NF2: variants seen among roughly 807,000 people sequenced by gnomAD.
The protein encoded by NF2 is merlin.
NF2 carries 8 observed loss-of-function variants against 83.7 expected under a neutral mutation model. That is an observed-to-expected ratio of 0.10 (90% CI 0.06 to 0.17). NF2 has a LOEUF of 0.17. NF2 is among the 10% of genes least tolerant of loss of function. The pLI is 1.00. For missense variants in NF2, 533 were observed against 744.4 expected (o/e 0.72, Z 3.31); for synonymous variants, 266 against 269.6 (o/e 0.99, Z 0.13).
intron 3 of NF2, among the ~76,000 whole-genome samples, chr22:29,641,158 T>G (rs896143737): frequency 6.8e-6 from 1 of 147,450 alleles, no homozygotes; most frequent in Non-Finnish European, 1.5e-5. Flanking sequence ...GTTCTTGCAG[T>G]TTTTCTATAG....
chr22:29,671,994 C>G (rs1454683926), intron 11 of NF2, 46 bp downstream of exon 11: 1 of 1,613,652 alleles, frequency 6.2e-7, no homozygotes. Context: ...TTGGGGACTT[C>G]CTTGGCTTTT....
At chr22:29,673,822 G>C (rs888212429) in intron 12 of NF2, among the ~76,000 whole-genome samples, 2 of 152,214 alleles carry the variant, frequency 1.3e-5, no homozygotes, top group Non-Finnish European at 2.9e-5. Flanking sequence ...ATGTGAGGAG[G>C]CTCTTTGTGC....
chr22:29,689,065 G>A (rs185305618), intron 15 of NF2, among the ~76,000 whole-genome samples: 93 of 151,644 alleles, frequency 6.1e-4, no homozygotes, highest in African/African-American at 2.1e-3. Flanking sequence ...TGTAGTTCCA[G>A]CTACTCAGGA....
chr22:29,617,497 CAACCAAA>C (rs2065110793), intron 1 of NF2, among the ~76,000 whole-genome samples: 1 of 152,034 alleles, frequency 6.6e-6, no homozygotes, highest in Non-Finnish European at 1.5e-5. Flanking sequence ...GTTGTTGTGA[CAACCAAA>C]AATGTCTTCA....
At chr22:29,666,492 G>A (rs1328559315) in intron 9 of NF2, among the ~76,000 whole-genome samples, 3 of 151,924 alleles carry the variant, frequency 2.0e-5, no homozygotes, top group Admixed American at 1.3e-4. Flanking sequence ...CTGCCTCCTG[G>A]TGCACATAGG....
intron 4 of NF2, among the ~76,000 whole-genome samples, chr22:29,653,039 C>T (rs931642982): frequency 1.3e-5 from 2 of 152,174 alleles, no homozygotes; most frequent in African/African-American, 4.8e-5. Context: ...CCCATTTTGG[C>T]CTCCCAAAGT....
At chr22:29,630,582 G>C (rs758788366) in intron 1 of NF2, among the ~76,000 whole-genome samples, 6 of 152,244 alleles carry the variant, frequency 3.9e-5, no homozygotes, top group Non-Finnish European at 8.8e-5. Flanking sequence ...CCTTGAGGAG[G>C]AGGTCTGTGG....
chr22:29,613,518 G>A (rs753138215), intron 1 of NF2, among the ~76,000 whole-genome samples: 11 of 152,096 alleles, frequency 7.2e-5, no homozygotes, highest in Non-Finnish European at 1.3e-4. Flanking sequence ...GGGACAGAGC[G>A]AGATTCCATT....
intron 6 of NF2, among the ~76,000 whole-genome samples, chr22:29,656,079 C>T (rs889596156): frequency 2.0e-5 from 3 of 151,860 alleles, no homozygotes; most frequent in African/African-American, 7.3e-5. Flanking sequence ...GCTGGCACTA[C>T]AGGCACACGC....
At chr22:29,646,074 G>T (rs1045685792) in intron 4 of NF2, among the ~76,000 whole-genome samples, 7 of 152,182 alleles carry the variant, frequency 4.6e-5, no homozygotes, top group Non-Finnish European at 8.8e-5. Context: ...CATGCCCATA[G>T]TGTTTTCTAG....
In NF2 at chr22:29,664,871, G is replaced by A. The variant is rs1009958522; in HGVS notation, c.811-119G>A. On this transcript the variant is annotated intron_variant, in intron 8 of 15. Coordinates refer to ENST00000338641, the MANE Select transcript of NF2 (RefSeq NM_000268.4). ...TAGTGCCTGGATACTGGGAAGCCAGGACAAGGCATAACTTCATGCTGGTCT... is the reference window on the plus strand; with the variant it reads ...TAGTGCCTGGATACTGGGAAGCCAGAACAAGGCATAACTTCATGCTGGTCT... 21 of 771,252 alleles carry A rather than the reference G, an allele frequency of 2.7e-5. No homozygotes were observed. The African/African-American group carries it at 3.4e-4, about 13-fold the overall frequency. 47.8% of individuals were successfully genotyped at this position (771,252 alleles called of 1,614,324 possible).
chr22:29,608,172 C>CAAAAAA (rs570144418), intron 1 of NF2, among the ~76,000 whole-genome samples: 3 of 31,706 alleles, frequency 9.5e-5, no homozygotes, highest in East Asian at 1.3e-3. Flanking sequence ...GACTCTGTCT[C>CAAAAAA]AAAAAAAAAA....
chr22:29,655,486 A>G, intron 5 of NF2, 108 bp from the exon 6 acceptor site: 3 of 848,612 alleles, frequency 3.5e-6, no homozygotes, highest in Non-Finnish European at 6.0e-6. Flanking sequence ...GTAGCTTTTT[A>G]AAAATAGCTT....
intron 1 of NF2, among the ~76,000 whole-genome samples, chr22:29,622,906 G>T (rs1020384717): frequency 4.0e-5 from 6 of 150,072 alleles, no homozygotes. Context: ...AGCCTGCCTC[G>T]GCCTCCCAAA....
intron 9 of NF2, among the ~76,000 whole-genome samples, chr22:29,667,058 A>G (rs1315846070): frequency 6.6e-6 from 1 of 152,208 alleles, no homozygotes; most frequent in East Asian, 1.9e-4. Flanking sequence ...AGGGCTTGGT[A>G]TATGTTTAAA....
Position 29,696,065 on chromosome 22 carries a change from TC to T in NF2, c.*1264del, listed in dbSNP as rs886057353. ...GGTCTGGGGCCACCTTCTTGCCCTT[TC>T]TTTTTTTTTTTTTTTTTTTTTTTCC... On this transcript the variant is annotated 3_prime_UTR_variant, in exon 16 of 16. Transcript: ENST00000338641. The T allele has an allele frequency of 5.0e-5, 11 of 221,128 alleles. No homozygotes were observed. The highest frequency in any genetic ancestry group is 7.1e-5 in the Non-Finnish European group (8 of 112,768). The allele number at this position is 221,128 out of a possible 1,614,324, so 13.7% of individuals were successfully genotyped here. A position where few individuals can be genotyped will look rare whatever the true frequency, so the allele number is the denominator to read the frequency against.
chr22:29,691,332 T>A (rs2067398132), intron 15 of NF2, among the ~76,000 whole-genome samples: 1 of 152,192 alleles, frequency 6.6e-6, no homozygotes, highest in Non-Finnish European at 1.5e-5. Context: ...CAACTCACAG[T>A]GCAACATAGG....
intron 13 of NF2, among the ~76,000 whole-genome samples, chr22:29,675,216 A>G (rs2066925349): frequency 6.6e-6 from 1 of 152,226 alleles, no homozygotes; most frequent in South Asian, 2.1e-4. Flanking sequence ...TAAGTAATAT[A>G]GTCCCAAATT....
At chr22:29,640,194 TAAAAAAAA>T (rs11379333) in intron 3 of NF2, among the ~76,000 whole-genome samples, 4 of 92,794 alleles carry the variant, frequency 4.3e-5, no homozygotes, top group East Asian at 7.2e-4. Context: ...GACTCTGTCT[TAAAAAAAA>T]AAAAAAAAAA....
Sources: allele counts gnomAD v4.1 joint callset (sites outside exome capture counted in the v4.1 genomes callset), GRCh38; gene constraint gnomAD v4.1.1; transcripts MANE v1.5; gene names NCBI Gene and HGNC (gene_info 2026-07-23, HGNC 2026-07-21).